SYT9: variants seen among roughly 807,000 people sequenced by gnomAD.
The protein encoded by SYT9 is synaptotagmin 9.
In SYT9, 22 loss-of-function variants were observed where a neutral mutation model predicts 48.4. The ratio of observed to expected loss-of-function variants is 0.45; its 90% CI spans 0.32 to 0.65. The LOEUF is 0.65. SYT9 is among the 30% of genes least tolerant of loss of function. The pLI is 0.03. For synonymous variants in SYT9, 265 were observed against 245.0 expected, an observed-to-expected ratio of 1.08 and a Z score of -0.76; for missense variants, 577 against 622.0, an observed-to-expected ratio of 0.93 and a Z score of 0.77.
intron 6 of SYT9, chr11:7,457,903 C>A (rs1056330820): frequency 6.6e-6 from 1 of 152,208 alleles, no homozygotes; most frequent in Non-Finnish European, 1.5e-5. Flanking sequence ...TCAGCTTATC[C>A]CAGCAATCTT....
intron 6 of SYT9, chr11:7,441,163 G>T: frequency 6.6e-6 from 1 of 152,370 alleles, no homozygotes; most frequent in Non-Finnish European, 1.5e-5. Flanking sequence ...ACAGATTAAT[G>T]TGCTATACAT....
At chr11:7,287,704 C>T (rs144737162) in intron 1 of SYT9, among the ~76,000 whole-genome samples, 20 of 152,242 alleles carry the variant, frequency 1.3e-4, no homozygotes, top group Middle Eastern at 6.8e-3. Flanking sequence ...ATTGCGTCTT[C>T]CTCTTGAGAT....
intron 1 of SYT9, among the ~76,000 whole-genome samples, chr11:7,292,488 C>G (rs1237362927): frequency 2.6e-5 from 4 of 152,216 alleles, no homozygotes. Context: ...CAAAGTCTCA[C>G]AGCAGGCCAC....
Position 7,252,351 on chromosome 11 carries a change from C to T in SYT9, c.145+20C>T, listed in dbSNP as rs1389072716. ...ACCCAGGTGAGTGCCGCCACCGCCG[C>T]CTGGAGGGACCTAAGGGCCCTGGGC... On this transcript the variant is annotated intron_variant, in intron 1 of 6. Coordinates refer to ENST00000318881, the MANE Select transcript of SYT9 (RefSeq NM_175733.4). The surrounding 1 kb of genome is among the most constrained non-coding windows in gnomAD (Gnocchi z 6.3). 6.9e-7 allele frequency: 1 copy of T among 1,443,644 alleles called. No homozygotes were observed. The highest frequency in any genetic ancestry group is 2.8e-5 in the Admixed American group (1 of 36,012). The allele number at this position is 1,443,644 out of a possible 1,614,324, so 89.4% of individuals were successfully genotyped here.
intron 3 of SYT9, among the ~76,000 whole-genome samples, chr11:7,387,015 G>A (rs1339856161): frequency 6.6e-6 from 1 of 152,202 alleles, no homozygotes; most frequent in Admixed American, 6.5e-5. Flanking sequence ...GGATGAAGCT[G>A]TAAACCATCA....
At position 7,252,040 on chromosome 11, in the gene SYT9, TG is replaced by T; in HGVS notation, c.-143del. 2.0e-6 allele frequency: 2 copies of T among 977,726 alleles called. No individual in the cohort carries two copies. Among genetic ancestry groups the T allele is most frequent in the Non-Finnish European group, 2.7e-6 (2 of 733,412 alleles). 60.6% of individuals were successfully genotyped at this position (977,726 alleles called of 1,614,324 possible). A position where few individuals can be genotyped will look rare whatever the true frequency, so the allele number is the denominator to read the frequency against. ...GGTGGGAGGCCGGGCCGGCTGGGTCTGGGGCTCGGGCTCAGGCTCGCACCGT... is the reference window on the plus strand; with the variant it reads ...GGTGGGAGGCCGGGCCGGCTGGGTCTGGGCTCGGGCTCAGGCTCGCACCGT... On this transcript the variant is annotated 5_prime_UTR_variant, in exon 1 of 7. The change abolishes the stop of an existing upstream ORF in the 5' untranslated region. Coordinates refer to ENST00000318881, the MANE Select transcript of SYT9 (RefSeq NM_175733.4). The surrounding 1 kb of genome is among the most constrained non-coding windows in gnomAD (Gnocchi z 6.3).
chr11:7,447,246 C>T (rs546035377), intron 6 of SYT9, among the ~76,000 whole-genome samples: 94 of 152,256 alleles, frequency 6.2e-4, no homozygotes, highest in Admixed American at 3.9e-3. Flanking sequence ...GGTACCTCAC[C>T]CCAATTCTCC....
chr11:7,451,414 C>G (rs529756960), intron 6 of SYT9, among the ~76,000 whole-genome samples: 1 of 152,224 alleles, frequency 6.6e-6, no homozygotes, highest in Non-Finnish European at 1.5e-5. Context: ...TAATTTCCCT[C>G]GCTATCTTAG....
chr11:7,420,268 A>G (rs1027516884), intron 5 of SYT9, among the ~76,000 whole-genome samples: 10 of 152,182 alleles, frequency 6.6e-5, no homozygotes, highest in African/African-American at 2.4e-4. Flanking sequence ...GGTTCTTTGA[A>G]CAAGGTTCTT....
intron 1 of SYT9, among the ~76,000 whole-genome samples, chr11:7,241,215 C>A (rs1295722969): frequency 1.4e-5 from 2 of 147,288 alleles, no homozygotes; most frequent in Admixed American, 1.3e-4. Flanking sequence ...AAAACACACA[C>A]ACACACACAC....
intron 3 of SYT9, among the ~76,000 whole-genome samples, chr11:7,354,068 A>G (rs1388219449): frequency 6.6e-6 from 1 of 152,220 alleles, no homozygotes; most frequent in Non-Finnish European, 1.5e-5. Flanking sequence ...TTACATTTCA[A>G]ATAATGATTT....
chr11:7,333,560 A>G (rs1220012496), intron 3 of SYT9, among the ~76,000 whole-genome samples: 1 of 152,252 alleles, frequency 6.6e-6, no homozygotes, highest in Non-Finnish European at 1.5e-5. Flanking sequence ...TTTTATAAAA[A>G]GTCTAATACT....
chr11:7,365,203 T>C (rs1446505423), intron 3 of SYT9, among the ~76,000 whole-genome samples: 1 of 152,020 alleles, frequency 6.6e-6, no homozygotes, highest in Non-Finnish European at 1.5e-5. Context: ...GCGATGAAAT[T>C]ACTAAGAAAT....
chr11:7,418,252 C>A, intron 5 of SYT9, 124 bp downstream of exon 5: 1 of 1,044,402 alleles, frequency 9.6e-7, no homozygotes, highest in Non-Finnish European at 1.4e-6. Context: ...AGTCAACTAG[C>A]AGTGCATGGG....
intron 3 of SYT9, among the ~76,000 whole-genome samples, chr11:7,387,513 A>G (rs566586271): frequency 1.1e-4 from 16 of 152,310 alleles, no homozygotes; most frequent in African/African-American, 3.8e-4. Flanking sequence ...TCGTCTAACG[A>G]TAATGACAGA....
chr11:7,393,375 T>A (rs143505629), intron 3 of SYT9, among the ~76,000 whole-genome samples: 1,765 of 152,074 alleles, frequency 0.012, 12 homozygotes, highest in Non-Finnish European at 0.017. Context: ...TCTTTTTTTT[T>A]AATAATTCTG....
At chr11:7,246,121 G>A (rs1847788176) in intron 1 of SYT9, among the ~76,000 whole-genome samples, 1 of 151,868 alleles carries the variant, frequency 6.6e-6, no homozygotes, top group Non-Finnish European at 1.5e-5. Flanking sequence ...CTACTTGGTA[G>A]GTCTAAACAG....
At chr11:7,393,740 G>GT (rs901445808) in intron 3 of SYT9, among the ~76,000 whole-genome samples, 129 of 151,038 alleles carry the variant, frequency 8.5e-4, no homozygotes, top group Admixed American at 4.8e-3. Flanking sequence ...TCACTGATAG[G>GT]TTTTTTTTTA....
intron 3 of SYT9, among the ~76,000 whole-genome samples, chr11:7,345,454 A>G (rs543935759): frequency 3.3e-5 from 5 of 152,294 alleles, no homozygotes; most frequent in African/African-American, 1.2e-4. Flanking sequence ...CCTCTCTGTC[A>G]TTGTCAGAAG....
Sources: gnomAD v4.1 joint callset for allele counts (sites outside exome capture counted in the v4.1 genomes callset) on GRCh38, gnomAD v4.1.1 for gene constraint, Gnocchi (gnomAD v3.1) non-coding constraint, MANE v1.5 for transcripts, NCBI Gene and HGNC (gene_info 2026-07-23, HGNC 2026-07-21) for gene names.